Variants in CNTNAP5 observed in about 807,000 individuals in gnomAD.
CNTNAP5 encodes the protein contactin-associated protein-like 5.
Under a neutral mutation model 150.2 loss-of-function variants are expected in CNTNAP5, and 72 were observed. The ratio of observed to expected loss-of-function variants is 0.48; its 90% CI spans 0.40 to 0.58. CNTNAP5 has a LOEUF of 0.58. Ranked by LOEUF, CNTNAP5 falls within the 20% of genes least tolerant of loss-of-function variation. The probability of loss-of-function intolerance (pLI) is 0.00; values close to 1 mark genes in which losing one functional copy is unlikely to be tolerated. For missense variants in CNTNAP5, 1,636 were observed against 1,626.2 expected, an observed-to-expected ratio of 1.01 and a Z score of -0.10; for synonymous variants, 672 against 619.8, an observed-to-expected ratio of 1.08 and a Z score of -1.25.
intron 21 of CNTNAP5, among the ~76,000 whole-genome samples, chr2:124,883,450 A>G (rs555697149): frequency 6.6e-6 from 1 of 152,022 alleles, no homozygotes; most frequent in African/African-American, 2.4e-5. Context: ...GGCTTTGGTC[A>G]TGTGTGTGGG....
chr2:124,226,568 T>A lies in CNTNAP5; in HGVS notation c.187+4759T>A, dbSNP rs549194071. Among the ~76,000 whole-genome samples the A allele has an allele frequency of 7.9e-5, 12 of 152,302 alleles. No homozygotes were observed. The South Asian group carries it at 1.2e-3, about 16-fold the overall frequency. Reference sequence around the variant, plus strand: ...TTGATAGTTTGCCTTTTAATTTTTTTAATTCTTTTTCTTTTTTGTACAGAA... The same window carrying A: ...TTGATAGTTTGCCTTTTAATTTTTTAAATTCTTTTTCTTTTTTGTACAGAA... On this transcript the variant is annotated intron_variant, in intron 2 of 23. Transcript: ENST00000682447.
intron 2 of CNTNAP5, among the ~76,000 whole-genome samples, chr2:124,225,920 G>A (rs1686446373): frequency 6.6e-6 from 1 of 152,086 alleles, no homozygotes; most frequent in Non-Finnish European, 1.5e-5. Flanking sequence ...ATGCCCACTA[G>A]GCTCATCTAT....
At chr2:124,093,636 T>TCCCAAC (rs148379256) in intron 1 of CNTNAP5, among the ~76,000 whole-genome samples, 7,698 of 152,248 alleles carry the variant, frequency 0.051, 296 homozygotes, top group South Asian at 0.15. Context: ...GTTGTTAAGG[T>TCCCAAC]AAAGCCCAAC....
intron 1 of CNTNAP5, among the ~76,000 whole-genome samples, chr2:124,089,714 T>C (rs1250043265): frequency 2.6e-5 from 4 of 152,250 alleles, no homozygotes; most frequent in African/African-American, 9.6e-5. Context: ...CTGCATTTTC[T>C]GCTCCCATAA....
intron 2 of CNTNAP5, among the ~76,000 whole-genome samples, chr2:124,236,608 GT>G (rs1247898436): frequency 6.6e-6 from 1 of 152,178 alleles, no homozygotes; most frequent in Non-Finnish European, 1.5e-5. Context: ...CCAGGTAGCT[GT>G]GTCCCTAAAA....
intron 1 of CNTNAP5, among the ~76,000 whole-genome samples, chr2:124,160,671 A>T (rs540957890): frequency 6.6e-5 from 10 of 152,306 alleles, no homozygotes; most frequent in Non-Finnish European, 1.3e-4. Context: ...GATATACATA[A>T]TGCAGTTTTG....
chr2:124,180,188 C>A (rs1001157045), intron 1 of CNTNAP5, among the ~76,000 whole-genome samples: 8 of 152,054 alleles, frequency 5.3e-5, no homozygotes, highest in African/African-American at 2.4e-5. Context: ...TGTCAAAGAG[C>A]CTGCATGGCT....
intron 21 of CNTNAP5, among the ~76,000 whole-genome samples, chr2:124,896,553 C>A (rs565093335): frequency 6.7e-6 from 1 of 149,738 alleles, no homozygotes; most frequent in African/African-American, 2.5e-5. Context: ...TTTTTGGTTT[C>A]TTTTGAGACA....
intron 13 of CNTNAP5, among the ~76,000 whole-genome samples, chr2:124,707,262 G>A (rs541634891): frequency 5.9e-5 from 9 of 152,260 alleles, no homozygotes; most frequent in East Asian, 3.9e-4. Context: ...TCCCTGCTCA[G>A]AGGTAATGCC....
At position 124,914,289 on chromosome 2, in the gene CNTNAP5, G is replaced by T. The variant is rs764903687; in HGVS notation, c.*1G>T. Reference sequence around the variant, plus strand: ...GTGTAAACGGGAATATTTCATCTGAGAAACTGCAGGGTTCCTACTACTCTT... The same window carrying T: ...GTGTAAACGGGAATATTTCATCTGATAAACTGCAGGGTTCCTACTACTCTT... On this transcript the variant is annotated 3_prime_UTR_variant, in exon 24 of 24. Transcript: ENST00000682447. The T allele has an allele frequency of 1.9e-6, 3 of 1,605,620 alleles. No homozygotes were observed. The highest frequency in any genetic ancestry group is 2.6e-6 in the Non-Finnish European group (3 of 1,173,644).
intron 3 of CNTNAP5, among the ~76,000 whole-genome samples, chr2:124,400,286 T>C (rs1201088033): frequency 1.3e-5 from 2 of 152,004 alleles, no homozygotes; most frequent in Non-Finnish European, 2.9e-5. Flanking sequence ...TATATTTAGT[T>C]TGTCAGGTGG....
intron 19 of CNTNAP5, among the ~76,000 whole-genome samples, chr2:124,854,478 G>C (rs937730640): frequency 2.0e-5 from 3 of 152,136 alleles, no homozygotes; most frequent in African/African-American, 7.2e-5. Context: ...TACAGAGTAG[G>C]CACATCAGAT....
At chr2:124,525,058 G>A (rs1272171236) in intron 9 of CNTNAP5, among the ~76,000 whole-genome samples, 1 of 152,124 alleles carries the variant, frequency 6.6e-6, no homozygotes, top group East Asian at 1.9e-4. Context: ...TGAGTCCTGG[G>A]AACCTTTCCA....
chr2:124,669,585 A>T (rs1678768012), intron 13 of CNTNAP5, among the ~76,000 whole-genome samples: 1 of 152,192 alleles, frequency 6.6e-6, no homozygotes, highest in African/African-American at 2.4e-5. Flanking sequence ...TCCAGCCAAG[A>T]TTCCTTTTCT....
intron 1 of CNTNAP5, among the ~76,000 whole-genome samples, chr2:124,030,270 G>T (rs575939141): frequency 1.6e-4 from 24 of 152,160 alleles, no homozygotes; most frequent in Middle Eastern, 3.4e-3. Flanking sequence ...ATATAGTAGG[G>T]TTTTAATTCT....
chr2:124,192,483 T>TC (rs1286243453), intron 1 of CNTNAP5, among the ~76,000 whole-genome samples: 1 of 151,882 alleles, frequency 6.6e-6, no homozygotes, highest in Admixed American at 6.6e-5. Context: ...TTAACTCTAT[T>TC]CCCCCCAAAC....
chr2:124,126,699 AG>A (rs1270193509), intron 1 of CNTNAP5, among the ~76,000 whole-genome samples: 1 of 152,212 alleles, frequency 6.6e-6, no homozygotes, highest in Admixed American at 6.5e-5. Context: ...CACATCAAAA[AG>A]CTTATCCACC....
At chr2:124,826,270 G>A (rs1023940754) in intron 19 of CNTNAP5, among the ~76,000 whole-genome samples, 16 of 151,976 alleles carry the variant, frequency 1.1e-4, no homozygotes, top group African/African-American at 3.1e-4. Flanking sequence ...AATTTCCTGG[G>A]TTCCTTGTGA....
chr2:124,852,927 G>A (rs1225832615), intron 19 of CNTNAP5, among the ~76,000 whole-genome samples: 1 of 152,198 alleles, frequency 6.6e-6, no homozygotes, highest in African/African-American at 2.4e-5. Flanking sequence ...AGCACAGAGG[G>A]GTGCCATTAT....
Sources: allele counts gnomAD v4.1 joint callset (sites outside exome capture counted in the v4.1 genomes callset), GRCh38; gene constraint gnomAD v4.1.1; transcripts MANE v1.5; gene names NCBI Gene and HGNC (gene_info 2026-07-23, HGNC 2026-07-21).